The following HDAC9 variants were observed in gnomAD, a reference collection of about 807,000 sequenced individuals.
HDAC9 encodes histone deacetylase 9.
HDAC9 carries 41 observed loss-of-function variants against 139.4 expected under a neutral mutation model. The ratio of observed to expected loss-of-function variants is 0.29; its 90% CI spans 0.23 to 0.38. The LOEUF (loss-of-function observed/expected upper bound fraction) is 0.38, where lower values mean the gene tolerates loss of function less well. Ranked by LOEUF, HDAC9 falls within the 10% of genes least tolerant of loss-of-function variation. The pLI is 1.00. For missense variants in HDAC9, 1,147 were observed against 1,297.0 expected (o/e 0.88, Z 1.78); for synonymous variants, 517 against 476.2 (o/e 1.09, Z -1.12).
intron 6 of HDAC9, among the ~76,000 whole-genome samples, chr7:18,596,109 T>A (rs1832414114): frequency 6.6e-6 from 1 of 152,084 alleles, no homozygotes; most frequent in African/African-American, 2.4e-5. Context: ...CTGTATTTGA[T>A]CAGTATTTCA....
At chr7:18,200,411 A>C (rs1367187388) in intron 2 of HDAC9, among the ~76,000 whole-genome samples, 3 of 152,128 alleles carry the variant, frequency 2.0e-5, no homozygotes, top group Admixed American at 6.6e-5. Context: ...GGAAAACTTC[A>C]CTCAAAGGCT....
At position 18,326,282 on chromosome 7, in the gene HDAC9, A is replaced by G. The variant is rs1272223543; in HGVS notation, c.-42+35767A>G. Among the ~76,000 whole-genome samples, 7 of 152,214 alleles carry G rather than the reference A, an allele frequency of 4.6e-5. No homozygotes were observed. In the South Asian group the frequency reaches 1.4e-3, roughly 32 times the overall value. On this transcript the variant is annotated intron_variant, in intron 1 of 3. Coordinates refer to the HDAC9 transcript ENST00000413509. The stretch of plus-strand genomic sequence containing the variant: ...AAAGTGAAATTCCCTACATTCTTCA[A>G]ATAAGGTATGCTTGAATAAAAGCAT...
intron 1 of HDAC9, among the ~76,000 whole-genome samples, chr7:18,409,292 T>C (rs1412155582): frequency 6.6e-6 from 1 of 152,212 alleles, no homozygotes; most frequent in East Asian, 1.9e-4. Flanking sequence ...TGTAAGTTCC[T>C]GTGCTAGTAA....
intron 12 of HDAC9, among the ~76,000 whole-genome samples, chr7:18,718,461 G>A (rs1584907073): frequency 1.3e-5 from 2 of 151,872 alleles, no homozygotes; most frequent in African/African-American, 4.8e-5. Flanking sequence ...TCGAACTCCT[G>A]AGGTTAGGCA....
intron 12 of HDAC9, among the ~76,000 whole-genome samples, chr7:18,699,812 TCTC>T (rs1214306741): frequency 3.9e-5 from 6 of 152,130 alleles, no homozygotes; most frequent in African/African-American, 1.2e-4. Flanking sequence ...AAAATAGAAA[TCTC>T]CTCTAATTCC....
chr7:18,166,156 A>C (rs1160299), intron 2 of HDAC9, among the ~76,000 whole-genome samples: 38 of 152,102 alleles, frequency 2.5e-4, no homozygotes, highest in African/African-American at 9.2e-4. Context: ...TTTTCCAAGC[A>C]TAGAACACAA....
chr7:18,519,605 G>C (rs551124009), intron 2 of HDAC9, among the ~76,000 whole-genome samples: 1 of 152,262 alleles, frequency 6.6e-6, no homozygotes, highest in South Asian at 2.1e-4. Context: ...ATAATGCTTA[G>C]TGTTGATTGT....
intron 11 of HDAC9, 44 bp from the exon 12 acceptor site, chr7:18,666,169 A>G: frequency 3.2e-6 from 5 of 1,541,262 alleles, no homozygotes; most frequent in South Asian, 1.3e-5. Context: ...CTCTGTTACC[A>G]TGAAGAACTA....
chr7:18,316,875 C>T (rs182812693), intron 1 of HDAC9, among the ~76,000 whole-genome samples: 10 of 151,182 alleles, frequency 6.6e-5, no homozygotes, highest in Admixed American at 4.6e-4. Context: ...AGGCAGATCA[C>T]GAGGTCAGGA....
chr7:18,520,461 A>G (rs1804673644), intron 2 of HDAC9, among the ~76,000 whole-genome samples: 1 of 152,178 alleles, frequency 6.6e-6, no homozygotes, highest in African/African-American at 2.4e-5. Flanking sequence ...GCCTAAATGG[A>G]GTTGGTTAAT....
intron 22 of HDAC9, among the ~76,000 whole-genome samples, chr7:18,913,485 C>T (rs983056224): frequency 2.0e-5 from 3 of 152,078 alleles, no homozygotes; most frequent in Non-Finnish European, 2.9e-5. Flanking sequence ...CATAGCAATA[C>T]ACAATTTGTT....
intron 22 of HDAC9, among the ~76,000 whole-genome samples, chr7:18,900,443 G>C (rs1801596928): frequency 1.3e-5 from 2 of 152,088 alleles, no homozygotes; most frequent in African/African-American, 2.4e-5. Context: ...CCTCAGAGAC[G>C]CCTTACCTTT....
intron 12 of HDAC9, among the ~76,000 whole-genome samples, chr7:18,706,209 A>G (rs1053352663): frequency 7.7e-6 from 1 of 130,182 alleles, no homozygotes; most frequent in Non-Finnish European, 1.6e-5. Context: ...GAGCCGCAAT[A>G]AATTTCCACA....
At chr7:18,343,948 A>G (rs1379951898) in intron 1 of HDAC9, among the ~76,000 whole-genome samples, 6 of 151,940 alleles carry the variant, frequency 3.9e-5, no homozygotes, top group Non-Finnish European at 8.8e-5. Context: ...GAAATAGTTT[A>G]GTAAACCCTT....
chr7:18,835,110 A>G (rs185659279), intron 19 of HDAC9, among the ~76,000 whole-genome samples: 2 of 152,334 alleles, frequency 1.3e-5, no homozygotes, highest in Non-Finnish European at 2.9e-5. Context: ...GCAAGATTCC[A>G]TCACTGAAGC....
intron 3 of HDAC9, among the ~76,000 whole-genome samples, chr7:18,586,172 C>T (rs1340005567): frequency 1.3e-5 from 2 of 152,022 alleles, no homozygotes; most frequent in African/African-American, 4.8e-5. Flanking sequence ...ATTATTTTAG[C>T]ACAAATATAT....
chr7:18,610,468 C>G (rs998665424), intron 6 of HDAC9, among the ~76,000 whole-genome samples: 1 of 152,160 alleles, frequency 6.6e-6, no homozygotes, highest in Non-Finnish European at 1.5e-5. Context: ...AACAAACACT[C>G]TTTCCCCGGT....
At chr7:18,924,997 A>G (rs947140672) in intron 22 of HDAC9, among the ~76,000 whole-genome samples, 3 of 152,186 alleles carry the variant, frequency 2.0e-5, no homozygotes, top group African/African-American at 7.2e-5. Flanking sequence ...TAGTTTGAAA[A>G]GGAATTAGTT....
intron 2 of HDAC9, among the ~76,000 whole-genome samples, chr7:18,279,722 C>G (rs978839657): frequency 1.3e-5 from 2 of 152,054 alleles, no homozygotes; most frequent in Admixed American, 6.6e-5. Flanking sequence ...CCTCGACCCC[C>G]CAAAGTACTG....
Sources: allele counts gnomAD v4.1 joint callset (sites outside exome capture counted in the v4.1 genomes callset), GRCh38; gene constraint gnomAD v4.1.1; transcripts MANE v1.5; gene names NCBI Gene and HGNC (gene_info 2026-07-23, HGNC 2026-07-21).